The following ESPN variants were observed in gnomAD, a reference collection of about 807,000 sequenced individuals.
ESPN encodes espin.
ESPN carries 68 observed loss-of-function variants against 77.7 expected under a neutral mutation model. The ratio of observed to expected loss-of-function variants is 0.87; its 90% CI spans 0.72 to 1.07. The LOEUF (loss-of-function observed/expected upper bound fraction) is 1.07, where lower values mean the gene tolerates loss of function less well. Among genes scored for constraint, ESPN ranks in the 50% least tolerant of loss-of-function variants. The pLI is 0.00. For missense variants in ESPN, 1,060 were observed against 1,239.0 expected (o/e 0.86, Z 2.17); for synonymous variants, 449 against 567.1 (o/e 0.79, Z 2.96).
rs1406362221 is a variant in ESPN, at chr1:6,424,812, C to T, written c.-144C>T. On this transcript the variant is annotated 5_prime_UTR_variant, in exon 1 of 13. Coordinates refer to ENST00000645284, the MANE Select transcript of ESPN (RefSeq NM_031475.3). Reference sequence around the variant, plus strand: ...GAGCGGAGCGCCAGGCAGCGCGGAGCGGAGGCCAGGCCCACAGCCGCTCCG... The same window carrying T: ...GAGCGGAGCGCCAGGCAGCGCGGAGTGGAGGCCAGGCCCACAGCCGCTCCG... 21 of 818,890 alleles carry T rather than the reference C, an allele frequency of 2.6e-5. No homozygotes were observed. Among genetic ancestry groups the T allele is most frequent in the Non-Finnish European group, 3.3e-5 (20 of 613,494 alleles). 50.7% of individuals were successfully genotyped at this position (818,890 alleles called of 1,614,324 possible).
intron 7 of ESPN, among the ~76,000 whole-genome samples, chr1:6,446,308 C>G (rs1020604299): frequency 6.6e-6 from 1 of 152,204 alleles, no homozygotes; most frequent in African/African-American, 2.4e-5. Context: ...CCCACAGCCC[C>G]AGGCTCAGTC....
chr1:6,440,898 C>A (rs3817916), intron 4 of ESPN, 36 bp from the exon 5 acceptor site: 22 of 1,542,396 alleles, frequency 1.4e-5, no homozygotes, highest in Non-Finnish European at 1.7e-5. Flanking sequence ...TCCCAGCTCG[C>A]GGCCGCGGCC....
intron 2 of ESPN, among the ~76,000 whole-genome samples, chr1:6,434,541 C>G (rs1209732158): frequency 6.6e-6 from 1 of 151,540 alleles, no homozygotes; most frequent in Non-Finnish European, 1.5e-5. Flanking sequence ...CCCCTCTGAG[C>G]ATTCCCAAGC....
In ESPN at chr1:6,460,013, G is replaced by A. The variant is rs763207615; in HGVS notation, c.2432G>A (p.Arg811Gln). The change falls in exon 13 of 13, where the codon CGA (arginine) becomes CAA (glutamine). Residue 811 changes from arginine to glutamine, a missense_variant. Arg to Gln is a conservative substitution (Grantham distance 43). This residue lies in a region of ESPN where 374 missense variants were observed against 381.4 expected (regional missense o/e 0.98). Coordinates refer to ENST00000645284, the MANE Select transcript of ESPN (RefSeq NM_031475.3). Reference protein sequence around the residue: ...EREQKRKEEERQKQEELRREK... With the variant: ...EREQKRKEEEQQKQEELRREK... ...CACTGCCTCAGGAAAGAGGAGGAGC[G>A]ACAGAAGCAGGAGGAGCTGCGGCGG... 5 of 1,613,550 alleles carry A rather than the reference G, an allele frequency of 3.1e-6. No homozygotes were observed. The highest frequency in any genetic ancestry group is 4.2e-6 in the Non-Finnish European group (5 of 1,180,034).
At chr1:6,459,267 C>T (rs533562196) in intron 12 of ESPN, among the ~76,000 whole-genome samples, 156 of 150,634 alleles carry the variant, frequency 1.0e-3, no homozygotes, top group Non-Finnish European at 1.6e-3. Context: ...AATAGCTGGG[C>T]GTAGTGGCAC....
intron 5 of ESPN, among the ~76,000 whole-genome samples, chr1:6,442,848 ACAGAG>A (rs1643689178): frequency 5.0e-5 from 7 of 139,618 alleles, no homozygotes; most frequent in Admixed American, 7.2e-5. Flanking sequence ...AGCCTGGGTG[ACAGAG>A]CAAGACGCTG....
Position 6,457,550 on chromosome 1 carries a change from C to T in ESPN, c.2417+178C>T, listed in dbSNP as rs146904852. On this transcript the variant is annotated intron_variant, in intron 12 of 12. Transcript: ENST00000645284. ...TCTCATGCTCTAATAACTTTGTTCC[C>T]GGTTACTCAGTCCCTGCCTCCTATT... Among the ~76,000 whole-genome samples, 378 of 152,284 alleles carry T rather than the reference C, an allele frequency of 2.5e-3. 3 individuals are homozygous for T. The highest frequency in any genetic ancestry group is 8.7e-3 in the African/African-American group (362 of 41,550).
chr1:6,457,792 A>G (rs1003028013), intron 12 of ESPN, among the ~76,000 whole-genome samples: 3 of 152,218 alleles, frequency 2.0e-5, no homozygotes, highest in African/African-American at 7.2e-5. Flanking sequence ...GTACTGTTTT[A>G]TTTGGCACAA....
intron 2 of ESPN, among the ~76,000 whole-genome samples, chr1:6,429,094 G>GGGGAGGGA (rs373980812): frequency 6.7e-6 from 1 of 149,694 alleles, no homozygotes; most frequent in African/African-American, 2.5e-5. Context: ...TGTGAGTCTT[G>GGGGAGGGA]GGGAGGGAGG....
chr1:6,457,089 C>T (rs981456573), intron 10 of ESPN, 95 bp from the exon 11 acceptor site: 4 of 1,216,108 alleles, frequency 3.3e-6, no homozygotes, highest in South Asian at 1.3e-5. Flanking sequence ...AAAAGGATGT[C>T]TTCCTGTGAC....
chr1:6,425,262 G>T lies in ESPN; in HGVS notation c.294+13G>T. On this transcript the variant is annotated intron_variant, in intron 1 of 12. Coordinates refer to ENST00000645284, the MANE Select transcript of ESPN (RefSeq NM_031475.3). ...CTGCAGAGTGCAGGTGGGTCCGCGC[G>T]GTTCGCCAGGGGCACTGAGGCTTCC... The T allele has an allele frequency of 1.3e-6, 2 of 1,566,968 alleles. No individual in the cohort carries two copies. The highest frequency in any genetic ancestry group is 1.7e-6 in the Non-Finnish European group (2 of 1,164,898).
Position 6,451,491 on chromosome 1 carries a change from G to T in ESPN, c.1916-112G>T. ...TGGAGAGCTGCCCGCTGGCCCGGAG[G>T]ATGGGCACCCATCCAATCTTGGCTT... On this transcript the variant is annotated intron_variant, in intron 8 of 12. Transcript: ENST00000645284. This position sits in a 1 kb window ranked among gnomAD's most constrained non-coding sequence, Gnocchi z 4.3. 1 of 1,453,166 alleles carries T rather than the reference G, an allele frequency of 6.9e-7. No homozygotes were observed. Among genetic ancestry groups the T allele is most frequent in the Non-Finnish European group, 9.4e-7 (1 of 1,059,784 alleles). 90.0% of individuals were successfully genotyped at this position (1,453,166 alleles called of 1,614,324 possible).
Position 6,453,982 on chromosome 1 carries a change from G to A in ESPN, c.2325+1886G>A, listed in dbSNP as rs142161153. 8.3e-3 allele frequency among the ~76,000 whole-genome samples: 1,260 copies of A among 152,308 alleles called. 13 individuals carry two copies. The highest frequency in any genetic ancestry group is 0.029 in the African/African-American group (1,223 of 41,556). ...ACAGAAAACATTGAGCACAGGGAGC[G>A]GGAAGGCTTGGGCCACAGGGGAGCT... On this transcript the variant is annotated intron_variant, in intron 10 of 12. Coordinates refer to ENST00000645284, the MANE Select transcript of ESPN (RefSeq NM_031475.3).
At position 6,452,019 on chromosome 1, in the gene ESPN, A is replaced by G; in HGVS notation, c.2248A>G (p.Ile750Val). Residue 750 changes from isoleucine (I) to valine (V), a missense_variant, in exon 10 of 13, where the codon ATC (isoleucine) becomes GTC (valine). Around this residue, in one of 3 missense-constraint regions of ESPN, gnomAD observed 374 missense variants for 381.4 expected, o/e 0.98. Transcript: ENST00000645284. ...CACGCACGATGAGCAGGGCCGGCCCATCCCCGAGTGGAAGCGCCAGGTGAT... is the reference window on the plus strand; with the variant it reads ...CACGCACGATGAGCAGGGCCGGCCCGTCCCCGAGTGGAAGCGCCAGGTGAT... ...IPTHDEQGRPIPEWKRQVMVR... is the reference protein window; with the variant it reads ...IPTHDEQGRPVPEWKRQVMVR... 6.3e-7 allele frequency: 1 copy of G among 1,597,618 alleles called. No homozygotes were observed. Among genetic ancestry groups the G allele is most frequent in the Non-Finnish European group, 8.5e-7 (1 of 1,171,582 alleles).
chr1:6,457,341 CTG>C lies in ESPN; in HGVS notation c.2406-18_2406-17del. 6.2e-7 allele frequency: 1 copy of C among 1,614,232 alleles called. No individual in the cohort carries two copies. The highest frequency in any genetic ancestry group is 1.1e-5 in the South Asian group (1 of 91,088). On this transcript the variant is annotated intron_variant, in intron 11 of 12. Coordinates refer to ENST00000645284, the MANE Select transcript of ESPN (RefSeq NM_031475.3). ...CCTGAGGTGGAGGTACCAAGTGACA[CTG>C]TCTCTTTTTCCTTCCAGGGAGCAGA...
intron 2 of ESPN, chr1:6,429,904 C>T (rs1569581642): frequency 1.3e-5 from 2 of 153,800 alleles, no homozygotes; most frequent in Non-Finnish European, 2.9e-5. Context: ...CCAGGAGTCA[C>T]CATGAATCTC....
rs3817914 is a variant in ESPN, at chr1:6,440,972, C to A, written c.897C>A (p.Asp299Glu). 5 of 1,603,214 alleles carry A rather than the reference C, an allele frequency of 3.1e-6. No homozygotes were observed. Among genetic ancestry groups the A allele is most frequent in the Non-Finnish European group, 3.4e-6 (4 of 1,176,076 alleles). ...QILVVNGAEL[D>E]VRDRDGYTAA... ...TGGTAGTGAACGGCGCGGAGCTGGA[C>A]GTCCGCGACCGCGACGGGTACACGG... The change falls in exon 5 of 13, where the codon GAC becomes GAA. Residue 299 changes from aspartate (D) to glutamate (E), a missense_variant. Asp to Glu is a conservative substitution (Grantham distance 45). Transcript: ENST00000645284.
intron 12 of ESPN, among the ~76,000 whole-genome samples, chr1:6,458,821 C>T (rs1349677094): frequency 6.6e-6 from 1 of 150,922 alleles, no homozygotes; most frequent in Non-Finnish European, 1.5e-5. Context: ...ATCCCAGCTA[C>T]TCGGGAGGCT....
intron 7 of ESPN, 49 bp from the exon 8 acceptor site, chr1:6,448,592 C>G: frequency 2.7e-6 from 4 of 1,499,076 alleles, no homozygotes; most frequent in Non-Finnish European, 1.8e-6. Flanking sequence ...GCGTGGGGGG[C>G]GCCTACCGGG....
Sources: gnomAD v4.1 joint callset for allele counts (sites outside exome capture counted in the v4.1 genomes callset) on GRCh38, gnomAD v4.1.1 for gene constraint, gnomAD v4.1.1 regional missense constraint, Gnocchi (gnomAD v3.1) non-coding constraint, MANE v1.5 for transcripts, NCBI Gene and HGNC (gene_info 2026-07-23, HGNC 2026-07-21) for gene names.